TSHZ2: variants seen among roughly 807,000 people sequenced by gnomAD.
The protein encoded by TSHZ2 is teashirt homolog 2.
TSHZ2 carries 21 observed loss-of-function variants against 74.4 expected under a neutral mutation model. The observed-to-expected ratio is 0.28, with a 90% CI of 0.20 to 0.41. The LOEUF (loss-of-function observed/expected upper bound fraction) is 0.41, where lower values mean the gene tolerates loss of function less well. Ranked by LOEUF, TSHZ2 falls within the 10% of genes least tolerant of loss-of-function variation. The pLI, the probability that TSHZ2 is intolerant of heterozygous loss-of-function variation, is 1.00. For missense variants in TSHZ2, 1,244 were observed against 1,293.5 expected, an observed-to-expected ratio of 0.96 and a Z score of 0.59; for synonymous variants, 540 against 515.3, an observed-to-expected ratio of 1.05 and a Z score of -0.65.
intron 2 of TSHZ2, among the ~76,000 whole-genome samples, chr20:53,337,059 G>A (rs1219101371): frequency 6.6e-6 from 1 of 152,174 alleles, no homozygotes; most frequent in Non-Finnish European, 1.5e-5. Context: ...GATTTATACT[G>A]TTGTGCAGCA....
intron 1 of TSHZ2, among the ~76,000 whole-genome samples, chr20:53,053,206 T>C (rs577425429): frequency 6.6e-6 from 1 of 152,372 alleles, no homozygotes; most frequent in African/African-American, 2.4e-5. Flanking sequence ...TCGTTCATGT[T>C]GTATCAGCAC....
chr20:53,087,203 T>C (rs1186238770), intron 1 of TSHZ2, among the ~76,000 whole-genome samples: 2 of 152,100 alleles, frequency 1.3e-5, no homozygotes, highest in Non-Finnish European at 1.5e-5. Context: ...AAAAGGGAAA[T>C]TTTTTTGCCC....
chr20:53,286,886 TACAC>T (rs71194467), intron 2 of TSHZ2, among the ~76,000 whole-genome samples: 24,398 of 139,294 alleles, frequency 0.18, 2,036 homozygotes, highest in Middle Eastern at 0.34. Flanking sequence ...GTCTCAAAAA[TACAC>T]ACACACACAC....
chr20:53,029,402 G>T (rs371807228), intron 1 of TSHZ2, among the ~76,000 whole-genome samples: 2 of 152,314 alleles, frequency 1.3e-5, no homozygotes, highest in East Asian at 1.9e-4. Flanking sequence ...TGGGCTAGGC[G>T]CAGTGGCTCA....
chr20:53,388,737 C>T (rs1056431359), intron 2 of TSHZ2, among the ~76,000 whole-genome samples: 5 of 152,018 alleles, frequency 3.3e-5, no homozygotes, highest in African/African-American at 1.2e-4. Flanking sequence ...ACCACCACAC[C>T]TGCCTGGCTA....
chr20:53,465,056 A>G (rs1985512930), intron 2 of TSHZ2, among the ~76,000 whole-genome samples: 1 of 152,210 alleles, frequency 6.6e-6, no homozygotes. Context: ...AGGAAAGGGC[A>G]GGGGAGCCCA....
intron 1 of TSHZ2, among the ~76,000 whole-genome samples, chr20:53,106,855 G>A (rs1040672108): frequency 6.6e-6 from 1 of 151,642 alleles, no homozygotes; most frequent in Non-Finnish European, 1.5e-5. Flanking sequence ...GCACCACCAC[G>A]CCCAGCTAAT....
At chr20:53,010,177 G>C (rs149210541) in intron 1 of TSHZ2, among the ~76,000 whole-genome samples, 26 of 152,256 alleles carry the variant, frequency 1.7e-4, no homozygotes, top group African/African-American at 6.3e-4. Flanking sequence ...CAGTCTTTTG[G>C]ATGGAACCCA....
At chr20:53,361,988 C>T (rs1033520295) in intron 2 of TSHZ2, among the ~76,000 whole-genome samples, 30 of 151,674 alleles carry the variant, frequency 2.0e-4, no homozygotes, top group African/African-American at 6.5e-4. Context: ...GGCGCCATCT[C>T]GGCTCACTGC....
At chr20:53,068,764 T>C (rs961098224) in intron 1 of TSHZ2, among the ~76,000 whole-genome samples, 2 of 152,186 alleles carry the variant, frequency 1.3e-5, no homozygotes, top group African/African-American at 4.8e-5. Flanking sequence ...AGGACACCCA[T>C]ATGACTTTTA....
rs866480267 is a variant in TSHZ2, at chr20:53,083,582, G to A, written c.40+110249G>A. Among the ~76,000 whole-genome samples, 80 of 152,198 alleles carry A rather than the reference G, an allele frequency of 5.3e-4. 1 individual carries two copies. Among genetic ancestry groups the A allele is most frequent in the African/African-American group, 1.9e-3 (78 of 41,450 alleles). Reference sequence around the variant, plus strand: ...AACAGTTTTCGAAGTCAGACAGACTGGTTCAAATCCTGTTTCTGTTTATTC... The same window carrying A: ...AACAGTTTTCGAAGTCAGACAGACTAGTTCAAATCCTGTTTCTGTTTATTC... On this transcript the variant is annotated intron_variant, in intron 1 of 2. Coordinates refer to ENST00000371497, the MANE Select transcript of TSHZ2 (RefSeq NM_173485.6).
chr20:53,048,689 T>C (rs1984319857), intron 1 of TSHZ2, among the ~76,000 whole-genome samples: 1 of 152,188 alleles, frequency 6.6e-6, no homozygotes, highest in Non-Finnish European at 1.5e-5. Context: ...AAGTGAGAAC[T>C]CAAGTCAGGC....
At chr20:53,429,161 A>C (rs1312163042) in intron 2 of TSHZ2, among the ~76,000 whole-genome samples, 1 of 152,222 alleles carries the variant, frequency 6.6e-6, no homozygotes, top group Non-Finnish European at 1.5e-5. Context: ...GGTTTAGAGG[A>C]GGAAATCTGC....
At chr20:53,036,207 A>G (rs906677453) in intron 1 of TSHZ2, among the ~76,000 whole-genome samples, 5 of 152,156 alleles carry the variant, frequency 3.3e-5, no homozygotes, top group African/African-American at 9.7e-5. Flanking sequence ...GAGGCTTGGG[A>G]GTTATTTATT....
chr20:53,023,227 T>C (rs1199867116), intron 1 of TSHZ2, among the ~76,000 whole-genome samples: 1 of 152,224 alleles, frequency 6.6e-6, no homozygotes, highest in African/African-American at 2.4e-5. Flanking sequence ...ATCCTTTTAC[T>C]GTCCAACATG....
At chr20:53,157,885 C>T (rs548381635) in intron 1 of TSHZ2, among the ~76,000 whole-genome samples, 4 of 152,100 alleles carry the variant, frequency 2.6e-5, no homozygotes, top group African/African-American at 4.8e-5. Context: ...AGGTTCCTGA[C>T]CTCAAGAAGG....
intron 1 of TSHZ2, among the ~76,000 whole-genome samples, chr20:52,981,719 C>T (rs778131936): frequency 5.3e-5 from 8 of 152,096 alleles, no homozygotes; most frequent in Non-Finnish European, 7.4e-5. Flanking sequence ...GTCCAGCACC[C>T]GCTCAAAAAA....
chr20:53,287,874 T>C (rs1991199068), intron 2 of TSHZ2, among the ~76,000 whole-genome samples: 1 of 152,144 alleles, frequency 6.6e-6, no homozygotes, highest in African/African-American at 2.4e-5. Context: ...CCTCCAAGAG[T>C]ATTTCAAAAT....
intron 2 of TSHZ2, among the ~76,000 whole-genome samples, chr20:53,414,170 A>T (rs1408617037): frequency 1.3e-5 from 2 of 152,102 alleles, no homozygotes; most frequent in Non-Finnish European, 2.9e-5. Context: ...AGAATAATAT[A>T]TACATATACA....
Sources: allele counts gnomAD v4.1 joint callset (sites outside exome capture counted in the v4.1 genomes callset), GRCh38; gene constraint gnomAD v4.1.1; transcripts MANE v1.5; gene names NCBI Gene and HGNC (gene_info 2026-07-23, HGNC 2026-07-21).